Variants in RPS5 observed in about 807,000 individuals in gnomAD.
RPS5 encodes ribosomal protein S5.
RPS5 carries 2 observed loss-of-function variants against 20.9 expected under a neutral mutation model. The observed-to-expected ratio is 0.10, with a 90% CI of 0.04 to 0.30. The LOEUF (loss-of-function observed/expected upper bound fraction) is 0.30, where lower values mean the gene tolerates loss of function less well. RPS5 is among the 10% of genes least tolerant of loss of function. RPS5 has a pLI of 1.00. For missense variants in RPS5, 122 were observed against 287.2 expected (o/e 0.42, Z 4.16); for synonymous variants, 112 against 105.8 (o/e 1.06, Z -0.36).
chr19:58,392,705 T>G (rs2052371551), intron 2 of RPS5, among the ~76,000 whole-genome samples: 1 of 151,498 alleles, frequency 6.6e-6, no homozygotes, highest in Non-Finnish European at 1.5e-5. Flanking sequence ...CCCCAGACAA[T>G]TATCTGGTCC....
At chr19:58,393,242 C>T (rs2052375518) in intron 3 of RPS5, 57 bp downstream of exon 3, 1 of 1,612,224 alleles carries the variant, frequency 6.2e-7, no homozygotes. Flanking sequence ...CCGAAAGCCC[C>T]ACGGAGTGTA....
Position 58,393,542 on chromosome 19 carries a change from G to A in RPS5, c.447+55G>A. The A allele has an allele frequency of 6.3e-7, 1 of 1,576,274 alleles. No homozygotes were observed. The highest frequency in any genetic ancestry group is 2.3e-5 in the East Asian group (1 of 44,250). On this transcript the variant is annotated intron_variant, in intron 4 of 5. Coordinates refer to ENST00000196551, the MANE Select transcript of RPS5 (RefSeq NM_001009.4). ...GTGGACACAGCCACGGGAGTGGGTG[G>A]GGTCTTGCCTGGGGCAGGAAGGCTC...
rs2052384285 is a variant in RPS5, at chr19:58,394,477, G to A, written c.448-20G>A. 6.2e-7 allele frequency: 1 copy of A among 1,610,768 alleles called. No homozygotes were observed. The highest frequency in any genetic ancestry group is 8.5e-7 in the Non-Finnish European group (1 of 1,177,694). On this transcript the variant is annotated intron_variant, in intron 4 of 5. Coordinates refer to ENST00000196551, the MANE Select transcript of RPS5 (RefSeq NM_001009.4). Reference sequence around the variant, plus strand: ...GGACCGCAGTCTGTCCTTCTAGCCTGACCCCTGCTGTCTTCCTAGGCCATC... The same window carrying A: ...GGACCGCAGTCTGTCCTTCTAGCCTAACCCCTGCTGTCTTCCTAGGCCATC...
chr19:58,388,063 G>A, intron 1 of RPS5, 74 bp from the exon 2 acceptor site: 1 of 994,640 alleles, frequency 1.0e-6, no homozygotes, highest in Non-Finnish European at 1.6e-6. Flanking sequence ...TAGCCTCAGA[G>A]TTGGGAATGA....
chr19:58,390,616 A>G (rs965344783), intron 2 of RPS5, among the ~76,000 whole-genome samples: 1 of 151,794 alleles, frequency 6.6e-6, no homozygotes, highest in South Asian at 2.1e-4. Context: ...TTGTCTTTTT[A>G]GTAGAGACAG....
chr19:58,390,706 A>G (rs2052357746), intron 2 of RPS5, among the ~76,000 whole-genome samples: 2 of 152,190 alleles, frequency 1.3e-5, no homozygotes, highest in Non-Finnish European at 2.9e-5. Flanking sequence ...CACTAGGGAA[A>G]TAAACATCAA....
Position 58,391,889 on chromosome 19 carries a change from G to A in RPS5, c.109-1087G>A, listed in dbSNP as rs138509409. 5.3e-3 allele frequency among the ~76,000 whole-genome samples: 802 copies of A among 152,176 alleles called. 10 individuals are homozygous for A. Among genetic ancestry groups the A allele is most frequent in the African/African-American group, 0.019 (777 of 41,502 alleles). ...TTCAGTGAGCCAAGATTGCACCACT[G>A]CCCTCCAGCCTGGAAGGCAGTGAGA... On this transcript the variant is annotated intron_variant, in intron 2 of 5. Transcript: ENST00000196551.
intron 2 of RPS5, chr19:58,388,716 C>A (rs2052344242): frequency 9.5e-6 from 3 of 315,802 alleles, no homozygotes; most frequent in Non-Finnish European, 1.7e-5. Flanking sequence ...GATCTGCCTA[C>A]CGGGTTCACA....
chr19:58,388,280 G>C (rs375720640), intron 2 of RPS5, 35 bp downstream of exon 2: 14 of 1,437,212 alleles, frequency 9.7e-6, no homozygotes, highest in Non-Finnish European at 1.3e-5. Context: ...TTCCTGGCTG[G>C]GGGCGGACAT....
chr19:58,393,508 C>A (rs143850866), intron 4 of RPS5, 21 bp downstream of exon 4: 1 of 1,599,198 alleles, frequency 6.3e-7, no homozygotes. Flanking sequence ...GGCTTATGCA[C>A]GTGGCAGGGT....
In RPS5 at chr19:58,394,611, C is replaced by T; in HGVS notation, c.546+16C>T. Reference sequence around the variant, plus strand: ...TGCTGCCAAGGTGGGTGAGGGCACTCCGGTTGGGGGGTCTTAAGTTGGGCA... The same window carrying T: ...TGCTGCCAAGGTGGGTGAGGGCACTTCGGTTGGGGGGTCTTAAGTTGGGCA... On this transcript the variant is annotated intron_variant, in intron 5 of 5. Coordinates refer to ENST00000196551, the MANE Select transcript of RPS5 (RefSeq NM_001009.4). 1.2e-6 allele frequency: 2 copies of T among 1,613,768 alleles called. No individual in the cohort carries two copies. Among genetic ancestry groups the T allele is most frequent in the Non-Finnish European group, 1.7e-6 (2 of 1,179,734 alleles).
chr19:58,393,867 T>A (rs796689382), intron 4 of RPS5: 4 of 209,696 alleles, frequency 1.9e-5, no homozygotes, highest in African/African-American at 4.6e-5. Context: ...AAGGAATTTA[T>A]ATTCACAGCA....
chr19:58,388,904 CAGGCGTGA>C (rs1387674539), intron 2 of RPS5, among the ~76,000 whole-genome samples: 2 of 152,162 alleles, frequency 1.3e-5, no homozygotes, highest in Non-Finnish European at 2.9e-5. Context: ...GCTGGGATTA[CAGGCGTGA>C]GCCACCGCGC....
intron 2 of RPS5, among the ~76,000 whole-genome samples, chr19:58,392,200 T>A (rs1451329531): frequency 6.6e-6 from 1 of 152,056 alleles, no homozygotes; most frequent in Non-Finnish European, 1.5e-5. Context: ...GGCGCGTGCC[T>A]GTAATTCCAG....
In RPS5 at chr19:58,394,721, C is replaced by T; in HGVS notation, c.586C>T (p.Leu196=). The T allele has an allele frequency of 6.2e-7, 1 of 1,614,088 alleles. No individual in the cohort carries two copies. Among genetic ancestry groups the T allele is most frequent in the Admixed American group, 1.7e-5 (1 of 60,014 alleles). Residue 196 remains leucine (L), a synonymous_variant, in exon 6 of 6, where the codon CTG becomes TTG. Transcript: ENST00000196551. ...CTATGCCATTAAGAAGAAGGACGAGCTGGAGCGTGTGGCCAAGTCCAACCG... is the reference window on the plus strand; with the variant it reads ...CTATGCCATTAAGAAGAAGGACGAGTTGGAGCGTGTGGCCAAGTCCAACCG... ...NSYAIKKKDE[L]ERVAKSNR
intron 2 of RPS5, chr19:58,388,637 T>TTG: frequency 4.0e-5 from 2 of 49,518 alleles, no homozygotes; most frequent in Non-Finnish European, 6.1e-5. Context: ...CTGGCCGTAG[T>TTG]TTTTTTTTTT....
chr19:58,394,162 G>T (rs942522392), intron 4 of RPS5: 1 of 284,564 alleles, frequency 3.5e-6, no homozygotes, highest in Non-Finnish European at 6.9e-6. Flanking sequence ...AGTTGCTCAG[G>T]CTGGTCTCAA....
chr19:58,388,635 A>ATTTTT, intron 2 of RPS5: 9 of 200,594 alleles, frequency 4.5e-5, no homozygotes, highest in Middle Eastern at 1.4e-3. Flanking sequence ...AGCTGGCCGT[A>ATTTTT]GTTTTTTTTT....
At chr19:58,388,284 C>T (rs772526774) in intron 2 of RPS5, 39 bp downstream of exon 2, 15 of 1,396,634 alleles carry the variant, frequency 1.1e-5, no homozygotes, top group East Asian at 7.0e-5. Flanking sequence ...TGGCTGGGGG[C>T]GGACATTATT....
Sources: gnomAD v4.1 joint callset for allele counts (sites outside exome capture counted in the v4.1 genomes callset) on GRCh38, gnomAD v4.1.1 for gene constraint, MANE v1.5 for transcripts, NCBI Gene and HGNC (gene_info 2026-07-23, HGNC 2026-07-21) for gene names.